Variants in RPS6KC1 observed in about 807,000 individuals in gnomAD.
The protein encoded by RPS6KC1 is ribosomal protein S6 kinase C1.
Under a neutral mutation model 103.8 loss-of-function variants are expected in RPS6KC1, and 54 were observed. The observed-to-expected ratio is 0.52, with a 90% CI of 0.42 to 0.65. The LOEUF (loss-of-function observed/expected upper bound fraction) is 0.65, where lower values mean the gene tolerates loss of function less well. Ranked by LOEUF, RPS6KC1 falls within the 30% of genes least tolerant of loss-of-function variation. The pLI is 0.00. For synonymous variants in RPS6KC1, 439 were observed against 438.7 expected, an observed-to-expected ratio of 1.00 and a Z score of -0.01; for missense variants, 1,151 against 1,253.8, an observed-to-expected ratio of 0.92 and a Z score of 1.24.
At chr1:213,706,369 C>T in the RPS6KC1 span, among the ~76,000 whole-genome samples, 1 of 152,118 alleles carries the variant, frequency 6.6e-6, no homozygotes, top group Non-Finnish European at 1.5e-5. Flanking sequence ...TATAACAGGA[C>T]AGCACTGAGT....
chr1:213,805,070 T>C, the RPS6KC1 span, among the ~76,000 whole-genome samples: 1 of 152,214 alleles, frequency 6.6e-6, no homozygotes, highest in African/African-American at 2.4e-5. Context: ...GTATATACCT[T>C]AATTTAAAAT....
chr1:213,593,519 T>C, the RPS6KC1 span, among the ~76,000 whole-genome samples: 1 of 152,114 alleles, frequency 6.6e-6, no homozygotes, highest in Non-Finnish European at 1.5e-5. Context: ...GTAGTTCAGA[T>C]TGCACACAAC....
At chr1:213,773,462 A>T in the RPS6KC1 span, among the ~76,000 whole-genome samples, 1,076 of 148,172 alleles carry the variant, frequency 7.3e-3, 13 homozygotes, top group South Asian at 0.047. Flanking sequence ...TATACATATA[A>T]TCTATATATC....
intron 8 of RPS6KC1, among the ~76,000 whole-genome samples, chr1:213,190,263 T>G (rs1361905356): frequency 6.6e-6 from 1 of 152,202 alleles, no homozygotes; most frequent in African/African-American, 2.4e-5. Flanking sequence ...TAATTTAGAT[T>G]TCCACCAAGA....
the RPS6KC1 span, among the ~76,000 whole-genome samples, chr1:213,698,169 A>G: frequency 6.6e-6 from 1 of 152,220 alleles, no homozygotes; most frequent in African/African-American, 2.4e-5. Flanking sequence ...ACTCCATCGT[A>G]CATTGAGGAC....
chr1:213,250,964 C>T (rs568659703), intron 12 of RPS6KC1, among the ~76,000 whole-genome samples: 8 of 152,128 alleles, frequency 5.3e-5, no homozygotes, highest in Non-Finnish European at 8.8e-5. Context: ...ACCAGCCCAC[C>T]AGCCAAATAG....
chr1:213,783,704 T>C, the RPS6KC1 span, among the ~76,000 whole-genome samples: 1 of 150,712 alleles, frequency 6.6e-6, no homozygotes, highest in African/African-American at 2.4e-5. Context: ...CATTATCATT[T>C]CTCTAAAATC....
At chr1:213,567,465 A>G in the RPS6KC1 span, among the ~76,000 whole-genome samples, 203 of 152,314 alleles carry the variant, frequency 1.3e-3, no homozygotes, top group African/African-American at 4.5e-3. Context: ...CTGCAGTATC[A>G]GCTCTGGGGT....
chr1:213,714,165 A>T, the RPS6KC1 span, among the ~76,000 whole-genome samples: 1 of 152,196 alleles, frequency 6.6e-6, no homozygotes, highest in African/African-American at 2.4e-5. Flanking sequence ...CAATAATGTC[A>T]CCAGAAAAAT....
intron 8 of RPS6KC1, among the ~76,000 whole-genome samples, chr1:213,181,820 C>G (rs1407862733): frequency 6.6e-6 from 1 of 152,068 alleles, no homozygotes; most frequent in Admixed American, 6.6e-5. Context: ...ACCAGCCTAC[C>G]CTAAAAGAAT....
chr1:213,697,014 G>GA, the RPS6KC1 span, among the ~76,000 whole-genome samples: 1 of 152,206 alleles, frequency 6.6e-6, no homozygotes, highest in Non-Finnish European at 1.5e-5. Context: ...TAAACTGGGG[G>GA]ATCCCTGCGC....
At chr1:213,324,227 A>G in the RPS6KC1 span, among the ~76,000 whole-genome samples, 1 of 152,240 alleles carries the variant, frequency 6.6e-6, no homozygotes, top group African/African-American at 2.4e-5. Flanking sequence ...ATCAGTACCA[A>G]CGGAGTGAGG....
At chr1:213,358,739 G>T in the RPS6KC1 span, among the ~76,000 whole-genome samples, 4 of 152,032 alleles carry the variant, frequency 2.6e-5, no homozygotes, top group Non-Finnish European at 5.9e-5. Flanking sequence ...GTGTCCCAGA[G>T]ATTCTGGTAT....
chr1:213,738,996 C>G, the RPS6KC1 span, among the ~76,000 whole-genome samples: 7,849 of 150,794 alleles, frequency 0.052, 298 homozygotes, highest in Middle Eastern at 0.14. Context: ...TCCAGAGGCC[C>G]AACATTTGAT....
intron 4 of RPS6KC1, among the ~76,000 whole-genome samples, chr1:213,110,989 C>T (rs1239819281): frequency 1.2e-4 from 18 of 151,652 alleles, no homozygotes; most frequent in Admixed American, 1.2e-3. Context: ...ACATTAGCCT[C>T]CTCAAAAGTG....
At chr1:213,262,164 T>C (rs543919764) in intron 13 of RPS6KC1, among the ~76,000 whole-genome samples, 185 of 152,290 alleles carry the variant, frequency 1.2e-3, no homozygotes, top group Middle Eastern at 3.4e-3. Flanking sequence ...TAGACTTTAA[T>C]AAAGTATTGT....
the RPS6KC1 span, chr1:213,840,867 G>C: frequency 6.6e-6 from 1 of 152,094 alleles, no homozygotes; most frequent in African/African-American, 2.4e-5. Context: ...ATGGCCCCAC[G>C]TTAGGGATGC....
At chr1:213,721,782 G>C in the RPS6KC1 span, among the ~76,000 whole-genome samples, 5 of 152,258 alleles carry the variant, frequency 3.3e-5, no homozygotes, top group East Asian at 9.6e-4. Context: ...GACATTGTTA[G>C]TTTGCTTCTA....
the RPS6KC1 span, among the ~76,000 whole-genome samples, chr1:213,671,414 A>G: frequency 6.6e-6 from 1 of 152,148 alleles, no homozygotes; most frequent in African/African-American, 2.4e-5. Flanking sequence ...CAGTGGGTAT[A>G]AAGTTTCAGT....
Sources: allele counts gnomAD v4.1 joint callset (sites outside exome capture counted in the v4.1 genomes callset), GRCh38; gene constraint gnomAD v4.1.1; transcripts MANE v1.5; gene names NCBI Gene and HGNC (gene_info 2026-07-23, HGNC 2026-07-21).